The following CSMD1 variants were observed in gnomAD, a reference collection of about 807,000 sequenced individuals.
CSMD1 encodes the protein CUB and sushi domain-containing protein 1.
In CSMD1, 213 loss-of-function variants were observed where a neutral mutation model predicts 417.5. The observed-to-expected ratio is 0.51, with a 90% CI of 0.46 to 0.57. The LOEUF is 0.57. CSMD1 is among the 20% of genes least tolerant of loss of function. The pLI is 0.00. For missense variants in CSMD1, 6,923 were observed against 4,529.7 expected (o/e 1.53, Z -15.17); for synonymous variants, 2,862 against 1,736.8 (o/e 1.65, Z -16.11).
intron 5 of CSMD1, among the ~76,000 whole-genome samples, chr8:3,939,764 G>A (rs1198293811): frequency 6.6e-6 from 1 of 152,102 alleles, no homozygotes; most frequent in Non-Finnish European, 1.5e-5. Flanking sequence ...CAGTCACTCA[G>A]AAATGGAAAA....
At chr8:3,320,262 A>T (rs953960244) in intron 23 of CSMD1, among the ~76,000 whole-genome samples, 6 of 152,158 alleles carry the variant, frequency 3.9e-5, no homozygotes, top group African/African-American at 1.4e-4. Flanking sequence ...AAGAAATGGG[A>T]GACAACTGAG....
chr8:4,204,450 T>A (rs1799858330), intron 3 of CSMD1, among the ~76,000 whole-genome samples: 1 of 152,216 alleles, frequency 6.6e-6, no homozygotes, highest in African/African-American at 2.4e-5. Flanking sequence ...TTTTCCTTCA[T>A]GAACACCTGA....
intron 5 of CSMD1, among the ~76,000 whole-genome samples, chr8:3,837,848 C>T (rs926390158): frequency 6.6e-6 from 1 of 152,110 alleles, no homozygotes; most frequent in African/African-American, 2.4e-5. Context: ...ATTCTATTGC[C>T]ACAGCTTCAT....
intron 50 of CSMD1, among the ~76,000 whole-genome samples, chr8:3,041,743 C>T (rs1462968884): frequency 2.6e-5 from 4 of 152,112 alleles, no homozygotes; most frequent in Admixed American, 6.5e-5. Context: ...TTTTATAAAC[C>T]GATAAACTTC....
intron 12 of CSMD1, among the ~76,000 whole-genome samples, chr8:3,426,066 G>A (rs1471651069): frequency 1.3e-5 from 2 of 152,186 alleles, no homozygotes; most frequent in Non-Finnish European, 1.5e-5. Context: ...TTGATAATCT[G>A]TGAAAATGTA....
At chr8:3,847,250 G>C (rs991666274) in intron 5 of CSMD1, among the ~76,000 whole-genome samples, 11 of 152,286 alleles carry the variant, frequency 7.2e-5, no homozygotes, top group African/African-American at 2.6e-4. Flanking sequence ...TGCAGATGTA[G>C]AAAGGTCCCT....
At chr8:4,371,899 G>T in intron 3 of CSMD1, among the ~76,000 whole-genome samples, 1 of 152,238 alleles carries the variant, frequency 6.6e-6, no homozygotes, top group East Asian at 1.9e-4. Context: ...TGCAAGTTAA[G>T]AAGGGAAGTG....
intron 54 of CSMD1, among the ~76,000 whole-genome samples, chr8:2,984,447 C>T (rs1197030331): frequency 1.3e-5 from 2 of 152,046 alleles, no homozygotes; most frequent in Non-Finnish European, 2.9e-5. Context: ...CTCCCTGGTT[C>T]AAGAGATTCT....
intron 62 of CSMD1, among the ~76,000 whole-genome samples, chr8:2,960,939 G>GATAGATATATATAT (rs1803405283): frequency 8.2e-6 from 1 of 122,040 alleles, no homozygotes; most frequent in Admixed American, 8.9e-5. Context: ...TAGTAAGCAA[G>GATAGATATATATAT]ATATATATAT....
chr8:3,828,326 G>C lies in CSMD1; in HGVS notation c.819-74284C>G, dbSNP rs76992082. 2.6e-5 allele frequency among the ~76,000 whole-genome samples: 4 copies of C among 152,266 alleles called. No individual in the cohort carries two copies. The South Asian group carries it at 6.2e-4, about 24-fold the overall frequency. Reference sequence around the variant, plus strand: ...AACACCTGTCTCAGCTTTCACTTAAGTATAATGAATCTATAATTAAGAATC... The same window carrying C: ...AACACCTGTCTCAGCTTTCACTTAACTATAATGAATCTATAATTAAGAATC... On this transcript the variant is annotated intron_variant, in intron 5 of 69. Coordinates refer to ENST00000635120, the MANE Select transcript of CSMD1 (RefSeq NM_033225.6).
intron 2 of CSMD1, among the ~76,000 whole-genome samples, chr8:4,467,998 G>A (rs1428521877): frequency 6.6e-6 from 1 of 152,208 alleles, no homozygotes; most frequent in Non-Finnish European, 1.5e-5. Flanking sequence ...CTAAGCTGTA[G>A]ATTTGTGTAG....
chr8:4,680,738 C>T (rs919666094), intron 1 of CSMD1, among the ~76,000 whole-genome samples: 3 of 152,006 alleles, frequency 2.0e-5, no homozygotes, highest in African/African-American at 7.2e-5. Context: ...GCCCACCACA[C>T]CCAGCTATTT....
At chr8:4,009,965 A>G (rs557342530) in intron 4 of CSMD1, among the ~76,000 whole-genome samples, 1 of 152,112 alleles carries the variant, frequency 6.6e-6, no homozygotes, top group Non-Finnish European at 1.5e-5. Context: ...CCTCTAAAAG[A>G]TCTACACATC....
intron 7 of CSMD1, among the ~76,000 whole-genome samples, chr8:3,669,513 C>T (rs1200695349): frequency 6.6e-6 from 1 of 152,090 alleles, no homozygotes; most frequent in South Asian, 2.1e-4. Flanking sequence ...AATACAAGTC[C>T]CAAGTTAATG....
intron 4 of CSMD1, among the ~76,000 whole-genome samples, chr8:4,024,101 C>A (rs986422078): frequency 1.3e-5 from 2 of 152,004 alleles, no homozygotes; most frequent in Non-Finnish European, 1.5e-5. Flanking sequence ...ATATTCACAT[C>A]TTACTAAATG....
Position 2,961,187 on chromosome 8 carries a change from G to A in CSMD1, c.9656C>T (p.Pro3219Leu). 1 of 1,602,150 alleles carries A rather than the reference G, an allele frequency of 6.2e-7. No individual in the cohort carries two copies. Among genetic ancestry groups the A allele is most frequent in the African/African-American group, 1.3e-5 (1 of 74,812 alleles). ...IDPAHNTCPD[P>L]GTPHFGIQNS... ...CTGTATTCCAAAGTGTGGCGTACCA[G>A]GGTCTGGGCAGGTGTTATGAGCAGG... Residue 3219 changes from proline (P) to leucine (L), a missense_variant, in exon 62 of 70, where the codon CCT (proline) becomes CTT (leucine). Transcript: ENST00000635120.
At position 3,984,006 on chromosome 8, in the gene CSMD1, T is replaced by C. The variant is rs191460453; in HGVS notation, c.818+13897A>G. ...GCTCTAGAGCACAGGGCAGATCTGATGGGGCTGTCAATTGCAGCTCTAGAG... is the reference window on the plus strand; with the variant it reads ...GCTCTAGAGCACAGGGCAGATCTGACGGGGCTGTCAATTGCAGCTCTAGAG... On this transcript the variant is annotated intron_variant, in intron 5 of 69. Coordinates refer to ENST00000635120, the MANE Select transcript of CSMD1 (RefSeq NM_033225.6). 6.5e-3 allele frequency among the ~76,000 whole-genome samples: 964 copies of C among 148,300 alleles called. 5 individuals are homozygous for C. Among genetic ancestry groups the C allele is most frequent in the Non-Finnish European group, 0.011 (745 of 65,896 alleles).
At chr8:3,557,284 C>G (rs182374129) in intron 10 of CSMD1, among the ~76,000 whole-genome samples, 2 of 152,290 alleles carry the variant, frequency 1.3e-5, no homozygotes, top group African/African-American at 4.8e-5. Flanking sequence ...TTGGAGACAG[C>G]TGTACCTATT....
At chr8:3,990,045 C>G (rs377734125) in intron 5 of CSMD1, among the ~76,000 whole-genome samples, 1 of 152,148 alleles carries the variant, frequency 6.6e-6, no homozygotes, top group Non-Finnish European at 1.5e-5. Context: ...AGTTAAGCAG[C>G]ATTATTTGAG....
Sources: gnomAD v4.1 joint callset for allele counts (sites outside exome capture counted in the v4.1 genomes callset) on GRCh38, gnomAD v4.1.1 for gene constraint, MANE v1.5 for transcripts, NCBI Gene and HGNC (gene_info 2026-07-23, HGNC 2026-07-21) for gene names.